Variants in RBFOX1 observed in about 807,000 individuals in gnomAD.
The protein encoded by RBFOX1 is RNA binding protein fox-1 homolog 1.
Under a neutral mutation model 57.7 loss-of-function variants are expected in RBFOX1, and 8 were observed. The ratio of observed to expected loss-of-function variants is 0.14; its 90% confidence interval spans 0.08 to 0.25. The LOEUF (loss-of-function observed/expected upper bound fraction) is 0.25, where lower values mean the gene tolerates loss of function less well. RBFOX1 is among the 10% of genes least tolerant of loss of function. The pLI is 1.00. For synonymous variants in RBFOX1, 326 were observed against 222.4 expected, an observed-to-expected ratio of 1.47 and a Z score of -4.15; for missense variants, 611 against 548.5, an observed-to-expected ratio of 1.11 and a Z score of -1.14.
intron 1 of RBFOX1, among the ~76,000 whole-genome samples, chr16:5,350,978 AATG>A (rs1347706659): frequency 1.3e-5 from 2 of 152,164 alleles, no homozygotes; most frequent in African/African-American, 4.8e-5. Context: ...GAACTGTAGA[AATG>A]TTAGCTACTC....
chr16:5,469,665 C>G (rs906750289), intron 2 of RBFOX1, among the ~76,000 whole-genome samples: 3 of 152,100 alleles, frequency 2.0e-5, no homozygotes, highest in African/African-American at 4.8e-5. Flanking sequence ...AGTCACTCCC[C>G]CTTCCTCCAT....
chr16:6,957,321 C>T (rs371243510), intron 3 of RBFOX1, among the ~76,000 whole-genome samples: 50 of 151,852 alleles, frequency 3.3e-4, no homozygotes, highest in Non-Finnish European at 5.0e-4. Flanking sequence ...TTAGTACAGA[C>T]GGGGTTTCAC....
At chr16:6,072,959 T>G (rs907568446) in intron 1 of RBFOX1, among the ~76,000 whole-genome samples, 1 of 152,172 alleles carries the variant, frequency 6.6e-6, no homozygotes. Context: ...ATGTGCAGTA[T>G]TTTGTGTGTC....
intron 1 of RBFOX1, among the ~76,000 whole-genome samples, chr16:6,217,577 C>T (rs1486409585): frequency 7.2e-5 from 11 of 152,172 alleles, no homozygotes; most frequent in Admixed American, 2.6e-4. Context: ...CGCCTCCTGT[C>T]CCAGGCCCCT....
At chr16:6,610,996 C>T (rs1285867643) in intron 2 of RBFOX1, among the ~76,000 whole-genome samples, 1 of 152,106 alleles carries the variant, frequency 6.6e-6, no homozygotes, top group Admixed American at 6.5e-5. Flanking sequence ...TTAGCTGGAG[C>T]ACAGATATAC....
At chr16:6,896,478 G>C (rs569129525) in intron 3 of RBFOX1, among the ~76,000 whole-genome samples, 6 of 152,018 alleles carry the variant, frequency 3.9e-5, no homozygotes, top group Admixed American at 6.5e-5. Flanking sequence ...GAGTTCAATT[G>C]TTTTGACTTT....
intron 2 of RBFOX1, among the ~76,000 whole-genome samples, chr16:6,319,659 A>G (rs1404515926): frequency 6.6e-6 from 1 of 152,176 alleles, no homozygotes; most frequent in Non-Finnish European, 1.5e-5. Flanking sequence ...GCCAATGCAC[A>G]TGGTGTAAGA....
At chr16:5,914,343 TC>T (rs1158537031) in intron 4 of RBFOX1, among the ~76,000 whole-genome samples, 1 of 152,212 alleles carries the variant, frequency 6.6e-6, no homozygotes, top group African/African-American at 2.4e-5. Context: ...TTGGCTGGGT[TC>T]CCCTGGTGCA....
intron 1 of RBFOX1, among the ~76,000 whole-genome samples, chr16:6,163,269 C>T (rs58769732): frequency 8.5e-5 from 13 of 152,168 alleles, no homozygotes; most frequent in East Asian, 1.9e-4. Flanking sequence ...GTTACTTTTG[C>T]GGGGAGGTAA....
At chr16:5,382,475 C>G (rs1253832968) in intron 1 of RBFOX1, among the ~76,000 whole-genome samples, 1 of 151,550 alleles carries the variant, frequency 6.6e-6, no homozygotes, top group Non-Finnish European at 1.5e-5. Context: ...TATAATGGAA[C>G]TTCTGGAAAG....
chr16:6,880,777 A>G (rs1027367783), intron 3 of RBFOX1, among the ~76,000 whole-genome samples: 11 of 151,250 alleles, frequency 7.3e-5, no homozygotes, highest in Admixed American at 1.3e-4. Flanking sequence ...TTATTGTTAT[A>G]TTTTTATTAC....
intron 3 of RBFOX1, among the ~76,000 whole-genome samples, chr16:6,780,186 TA>T (rs1567213939): frequency 3.0e-4 from 12 of 40,142 alleles, no homozygotes; most frequent in African/African-American, 8.6e-4. Flanking sequence ...TATTTATATA[TA>T]TATTTATATA....
intron 4 of RBFOX1, among the ~76,000 whole-genome samples, chr16:7,168,500 A>G (rs1223364758): frequency 2.0e-5 from 3 of 152,178 alleles, no homozygotes. Flanking sequence ...AATTATAAGC[A>G]TCATTTGGCT....
intron 3 of RBFOX1, among the ~76,000 whole-genome samples, chr16:5,668,604 G>T (rs925482965): frequency 6.6e-6 from 1 of 152,176 alleles, no homozygotes; most frequent in African/African-American, 2.4e-5. Context: ...GGCTTTGGGG[G>T]AAGTGACAGG....
intron 3 of RBFOX1, among the ~76,000 whole-genome samples, chr16:7,041,813 A>G (rs1286924832): frequency 6.6e-6 from 1 of 152,154 alleles, no homozygotes; most frequent in Non-Finnish European, 1.5e-5. Flanking sequence ...TTGAATACCA[A>G]TTGCTGGTAT....
chr16:6,895,082 A>G (rs1024263934), intron 3 of RBFOX1, among the ~76,000 whole-genome samples: 2 of 152,144 alleles, frequency 1.3e-5, no homozygotes, highest in African/African-American at 4.8e-5. Context: ...TAAATAATCT[A>G]ATGACTTAAA....
intron 9 of RBFOX1, among the ~76,000 whole-genome samples, chr16:7,606,106 C>T (rs553009995): frequency 2.0e-5 from 3 of 150,418 alleles, no homozygotes; most frequent in East Asian, 2.0e-4. Context: ...CCACGGTGCC[C>T]GACCTGCATG....
intron 2 of RBFOX1, among the ~76,000 whole-genome samples, chr16:5,497,341 T>C (rs1409531784): frequency 6.6e-6 from 1 of 151,718 alleles, no homozygotes; most frequent in Non-Finnish European, 1.5e-5. Flanking sequence ...CGCTCTACTC[T>C]TGAACTCAGC....
intron 2 of RBFOX1, among the ~76,000 whole-genome samples, chr16:6,536,983 C>T (rs551850196): frequency 2.4e-4 from 37 of 152,270 alleles, no homozygotes; most frequent in Admixed American, 2.1e-3. Flanking sequence ...TCCTTCCTAT[C>T]CATTGTCTTT....
Sources: gnomAD v4.1 joint callset for allele counts (sites outside exome capture counted in the v4.1 genomes callset) on GRCh38, gnomAD v4.1.1 for gene constraint, MANE v1.5 for transcripts, NCBI Gene and HGNC (gene_info 2026-07-23, HGNC 2026-07-21) for gene names.